Variants in PLEKHA7 observed in about 807,000 individuals in gnomAD.
PLEKHA7 encodes pleckstrin homology domain-containing family A member 7.
A neutral mutation model predicts 170.0 loss-of-function variants in PLEKHA7; 104 were observed. That is an observed-to-expected ratio of 0.61 (90% CI 0.52 to 0.72). The LOEUF (loss-of-function observed/expected upper bound fraction) is 0.72, where lower values mean the gene tolerates loss of function less well. PLEKHA7 is among the 30% of genes least tolerant of loss of function. The pLI is 0.00. For synonymous variants in PLEKHA7, 648 were observed against 660.8 expected (o/e 0.98, Z 0.30); for missense variants, 1,615 against 1,671.7 (o/e 0.97, Z 0.59).
intron 24 of PLEKHA7, among the ~76,000 whole-genome samples, chr11:16,784,457 T>C (rs1023869075): frequency 6.6e-6 from 1 of 152,232 alleles, no homozygotes; most frequent in Admixed American, 6.5e-5. Flanking sequence ...TGGTGCTTTC[T>C]GTCCCTAAAA....
chr11:16,888,605 G>C (rs923664331), intron 3 of PLEKHA7, among the ~76,000 whole-genome samples: 1 of 152,218 alleles, frequency 6.6e-6, no homozygotes, highest in Admixed American at 6.5e-5. Context: ...GATTAAGGGC[G>C]GTGCAAGATG....
intron 13 of PLEKHA7, among the ~76,000 whole-genome samples, chr11:16,805,614 AC>A (rs1848913575): frequency 6.6e-6 from 1 of 151,572 alleles, no homozygotes; most frequent in African/African-American, 2.4e-5. Context: ...ACATGGTGAA[AC>A]CCCATCTCTA....
At chr11:16,828,970 A>C (rs567600299) in intron 9 of PLEKHA7, among the ~76,000 whole-genome samples, 3 of 152,178 alleles carry the variant, frequency 2.0e-5, no homozygotes, top group East Asian at 3.9e-4. Context: ...TGTAAACCAG[A>C]TATCTCTTTG....
chr11:16,921,355 A>G (rs774862218), intron 3 of PLEKHA7, among the ~76,000 whole-genome samples: 3 of 151,754 alleles, frequency 2.0e-5, no homozygotes, highest in Non-Finnish European at 2.9e-5. Context: ...TTACAATCCC[A>G]TGCAAGTGAT....
Position 16,826,277 on chromosome 11 carries a change from T to G in PLEKHA7, c.1186A>C (p.Met396Leu), listed in dbSNP as rs1850634502. 1 of 1,614,228 alleles carries G rather than the reference T, an allele frequency of 6.2e-7. No individual in the cohort carries two copies. The change falls in exon 10 of 27, where the codon ATG becomes CTG. Residue 396 changes from methionine to leucine, a missense_variant. Transcript: ENST00000531066. ...CCTGGGCCATATGAGGCAGGCAGCA[T>G]TCCATTCTTCTCTGCCCGTTGGGGC... ...AQPQRAEKNG[M>L]LPASYGPGEQ...
At chr11:16,882,197 C>T (rs1039437019) in intron 3 of PLEKHA7, among the ~76,000 whole-genome samples, 2 of 152,320 alleles carry the variant, frequency 1.3e-5, no homozygotes, top group African/African-American at 4.8e-5. Flanking sequence ...GGGTTTTGTC[C>T]TGAGTCCACT....
At chr11:16,925,781 C>G (rs1859480894) in intron 3 of PLEKHA7, among the ~76,000 whole-genome samples, 1 of 152,248 alleles carries the variant, frequency 6.6e-6, no homozygotes, top group Non-Finnish European at 1.5e-5. Context: ...CGTGGCGCAG[C>G]GCCAGACAGC....
intron 13 of PLEKHA7, among the ~76,000 whole-genome samples, chr11:16,804,919 G>C (rs1848850996): frequency 1.3e-5 from 2 of 152,174 alleles, no homozygotes; most frequent in African/African-American, 4.8e-5. Flanking sequence ...GGTGTGGGGA[G>C]GTGGGCATGA....
intron 3 of PLEKHA7, among the ~76,000 whole-genome samples, chr11:17,002,196 G>A (rs1010309140): frequency 9.2e-5 from 14 of 152,228 alleles, no homozygotes; most frequent in African/African-American, 3.1e-4. Context: ...CAGGGAAGGT[G>A]CAGGCAGAGA....
intron 3 of PLEKHA7, among the ~76,000 whole-genome samples, chr11:17,005,126 G>C (rs1283768373): frequency 6.6e-6 from 1 of 152,138 alleles, no homozygotes; most frequent in Non-Finnish European, 1.5e-5. Flanking sequence ...TAACGGGGGG[G>C]GTAAACTGGC....
intron 3 of PLEKHA7, among the ~76,000 whole-genome samples, chr11:17,009,263 G>A (rs1260371797): frequency 6.6e-6 from 1 of 152,152 alleles, no homozygotes; most frequent in Non-Finnish European, 1.5e-5. Context: ...ATCATCTGAA[G>A]AATGGGGATG....
At chr11:16,931,515 G>C (rs1221904057) in intron 3 of PLEKHA7, among the ~76,000 whole-genome samples, 2 of 152,042 alleles carry the variant, frequency 1.3e-5, no homozygotes, top group Non-Finnish European at 2.9e-5. Flanking sequence ...TTCAGGTCAG[G>C]AGTTCAAGAT....
intron 3 of PLEKHA7, among the ~76,000 whole-genome samples, chr11:17,002,207 A>G (rs1043477864): frequency 2.0e-5 from 3 of 152,200 alleles, no homozygotes; most frequent in Non-Finnish European, 4.4e-5. Flanking sequence ...CAGGCAGAGA[A>G]CTGCTTCTGA....
chr11:16,941,195 C>T (rs1412900135), intron 3 of PLEKHA7, among the ~76,000 whole-genome samples: 1 of 152,158 alleles, frequency 6.6e-6, no homozygotes, highest in Non-Finnish European at 1.5e-5. Flanking sequence ...TGTCCTTACC[C>T]AGATGGGTCA....
Position 16,791,045 on chromosome 11 carries a change from C to T in PLEKHA7, c.2900G>A (p.Arg967Gln), listed in dbSNP as rs1327869304. Residue 967 changes from arginine (R) to glutamine (Q), a missense_variant, in exon 20 of 27, where the codon CGG becomes CAG. Arg to Gln is a conservative substitution (Grantham distance 43, BLOSUM62 1). Transcript: ENST00000531066. The surrounding 1 kb of genome is among the most constrained non-coding windows in gnomAD (Gnocchi z 4.5). ...KRQSDERKRD[R>Q]ELGQCVNGDS... ...CCCATTCACACACTGCCCCAGCTCC[C>T]GGTCTCGCTTCCTCTCGTCTGACTG... 11 of 1,614,004 alleles carry T rather than the reference C, an allele frequency of 6.8e-6. No homozygotes were observed. Among genetic ancestry groups the T allele is most frequent in the South Asian group, 4.4e-5 (4 of 91,086 alleles).
chr11:17,011,281 T>G (rs1865310127), intron 3 of PLEKHA7, among the ~76,000 whole-genome samples: 1 of 152,096 alleles, frequency 6.6e-6, no homozygotes, highest in Non-Finnish European at 1.5e-5. Flanking sequence ...ATCCCATCCC[T>G]CTCACCTTCT....
intron 26 of PLEKHA7, among the ~76,000 whole-genome samples, chr11:16,779,568 C>T (rs538734192): frequency 6.6e-6 from 1 of 152,286 alleles, no homozygotes; most frequent in East Asian, 1.9e-4. Flanking sequence ...TCAAATGTGG[C>T]CTTCACAATG....
At chr11:16,859,835 C>T (rs1467209088) in intron 4 of PLEKHA7, among the ~76,000 whole-genome samples, 2 of 152,266 alleles carry the variant, frequency 1.3e-5, no homozygotes, top group Non-Finnish European at 2.9e-5. Flanking sequence ...AGGCACACTG[C>T]GTCACGCAGA....
intron 3 of PLEKHA7, among the ~76,000 whole-genome samples, chr11:17,006,026 T>C (rs187427660): frequency 3.3e-5 from 5 of 152,330 alleles, no homozygotes; most frequent in Admixed American, 2.6e-4. Flanking sequence ...ACCCCCAGGT[T>C]TGAAATAAAG....
Sources: allele counts gnomAD v4.1 joint callset (sites outside exome capture counted in the v4.1 genomes callset), GRCh38; gene constraint gnomAD v4.1.1; non-coding constraint Gnocchi (gnomAD v3.1); transcripts MANE v1.5; gene names NCBI Gene and HGNC (gene_info 2026-07-23, HGNC 2026-07-21).